The following MAGI3 variants were observed in gnomAD, a reference collection of about 807,000 sequenced individuals.
MAGI3 encodes membrane associated guanylate kinase, WW and PDZ domain containing 3.
In MAGI3, 43 loss-of-function variants were observed where a neutral mutation model predicts 121.8. The ratio of observed to expected loss-of-function variants is 0.35; its 90% CI spans 0.28 to 0.46. MAGI3 has a LOEUF of 0.46. Ranked by LOEUF, MAGI3 falls within the 20% of genes least tolerant of loss-of-function variation. The pLI, the probability that MAGI3 is intolerant of heterozygous loss-of-function variation, is 1.00. For synonymous variants in MAGI3, 553 were observed against 639.3 expected (o/e 0.86, Z 2.04); for missense variants, 1,547 against 1,797.3 (o/e 0.86, Z 2.52).
chr1:113,546,951 C>T (rs999638193), intron 1 of MAGI3, among the ~76,000 whole-genome samples: 2 of 151,652 alleles, frequency 1.3e-5, no homozygotes, highest in Admixed American at 6.6e-5. Flanking sequence ...GGCATGGTGG[C>T]GGGCGCCTGT....
In MAGI3 at chr1:113,534,436, A is replaced by C. The variant is rs188668809; in HGVS notation, c.317-15079A>C. Reference sequence around the variant, plus strand: ...CCCTTGCGGCCTTGCCTTTCCTTCCATGCCATTCAGCATGCCCTTTCTCCT... The same window carrying C: ...CCCTTGCGGCCTTGCCTTTCCTTCCCTGCCATTCAGCATGCCCTTTCTCCT... On this transcript the variant is annotated intron_variant, in intron 1 of 20. Transcript: ENST00000307546. Among the ~76,000 whole-genome samples, 339 of 152,018 alleles carry C rather than the reference A, an allele frequency of 2.2e-3. 1 individual carries two copies. Among genetic ancestry groups the C allele is most frequent in the African/African-American group, 7.8e-3 (325 of 41,462 alleles).
At chr1:113,493,682 A>G (rs997326992) in intron 1 of MAGI3, among the ~76,000 whole-genome samples, 16 of 152,132 alleles carry the variant, frequency 1.1e-4, no homozygotes, top group East Asian at 3.8e-4. Flanking sequence ...TTACAAGAAA[A>G]AGCAACCCCA....
At chr1:113,626,020 C>CAGTG (rs1347567357) in intron 9 of MAGI3, among the ~76,000 whole-genome samples, 1 of 152,064 alleles carries the variant, frequency 6.6e-6, no homozygotes, top group African/African-American at 2.4e-5. Context: ...GGCTGGAGGG[C>CAGTG]AGTGGCATGA....
chr1:113,404,581 C>T (rs1044941242), intron 1 of MAGI3: 2 of 152,164 alleles, frequency 1.3e-5, no homozygotes, highest in African/African-American at 4.8e-5. Flanking sequence ...ATCTTCCCAG[C>T]TCCCTTTTCA....
intron 6 of MAGI3, among the ~76,000 whole-genome samples, chr1:113,603,356 C>CAAA (rs1337236592): frequency 1.1e-5 from 1 of 87,620 alleles, no homozygotes; most frequent in Non-Finnish European, 3.0e-5. Context: ...AAATTGCCAA[C>CAAA]AACAACAACA....
chr1:113,424,421 T>C (rs1429341553), intron 1 of MAGI3, among the ~76,000 whole-genome samples: 1 of 152,052 alleles, frequency 6.6e-6, no homozygotes, highest in Non-Finnish European at 1.5e-5. Flanking sequence ...CCACCCCTCC[T>C]TCCTACCCCA....
rs1251952989 is a variant in MAGI3, at chr1:113,685,427, T to C, written c.*1413T>C. ...TCATCTTGTTGTGAAGCACATTAGG[T>C]CCAGGTCCTTCCCTCTGGGAGTCTG... On this transcript the variant is annotated 3_prime_UTR_variant, in exon 21 of 21. Coordinates refer to ENST00000307546, the MANE Select transcript of MAGI3 (RefSeq NM_001142782.2). 6.6e-6 allele frequency: 1 copy of C among 152,380 alleles called. No individual in the cohort carries two copies. The highest frequency in any genetic ancestry group is 1.5e-5 in the Non-Finnish European group (1 of 68,054). 9.4% of individuals were successfully genotyped at this position (152,380 alleles called of 1,614,324 possible).
At chr1:113,481,537 A>G (rs905760500) in intron 1 of MAGI3, among the ~76,000 whole-genome samples, 1 of 152,088 alleles carries the variant, frequency 6.6e-6, no homozygotes, top group South Asian at 2.1e-4. Context: ...TTTTTTGAAA[A>G]AGAGAAGCAA....
intron 16 of MAGI3, among the ~76,000 whole-genome samples, chr1:113,665,574 G>A (rs571197516): frequency 1.2e-4 from 18 of 152,134 alleles, no homozygotes; most frequent in South Asian, 4.2e-4. Context: ...GTGTATACGC[G>A]TATATAAATA....
At chr1:113,577,594 T>C (rs1226611720) in intron 2 of MAGI3, among the ~76,000 whole-genome samples, 1 of 152,134 alleles carries the variant, frequency 6.6e-6, no homozygotes, top group African/African-American at 2.4e-5. Context: ...TTTATGTGTA[T>C]TGGGTTGTAT....
intron 8 of MAGI3, 74 bp from the exon 9 acceptor site, chr1:113,622,732 T>C: frequency 2.5e-6 from 3 of 1,214,134 alleles, no homozygotes; most frequent in Non-Finnish European, 3.4e-6. Context: ...AAAAGTCATA[T>C]AAAAGATTGA....
intron 8 of MAGI3, among the ~76,000 whole-genome samples, chr1:113,621,179 T>A (rs1305820386): frequency 6.6e-6 from 1 of 152,166 alleles, no homozygotes; most frequent in Admixed American, 6.5e-5. Context: ...AGGAACAGAA[T>A]GTTTAAAATC....
At chr1:113,448,099 C>G (rs1654275939) in intron 1 of MAGI3, among the ~76,000 whole-genome samples, 1 of 151,958 alleles carries the variant, frequency 6.6e-6, no homozygotes, top group Non-Finnish European at 1.5e-5. Flanking sequence ...TTTCTTTAAC[C>G]CGTCTTAGAG....
At chr1:113,671,343 G>A (rs1390981059) in intron 16 of MAGI3, among the ~76,000 whole-genome samples, 7 of 152,058 alleles carry the variant, frequency 4.6e-5, no homozygotes, top group African/African-American at 1.4e-4. Flanking sequence ...CCTGAGACCC[G>A]GCTTTGTTAT....
chr1:113,679,305 C>G (rs1648070491), intron 19 of MAGI3, among the ~76,000 whole-genome samples: 2 of 151,986 alleles, frequency 1.3e-5, no homozygotes, highest in Non-Finnish European at 2.9e-5. Flanking sequence ...TCTTTGTGTC[C>G]ATGTGTACTC....
intron 7 of MAGI3, 117 bp downstream of exon 7, chr1:113,614,775 C>A: frequency 2.9e-6 from 2 of 680,182 alleles, no homozygotes; most frequent in Admixed American, 3.4e-5. Context: ...AGTTTTTCAA[C>A]TAGGGGAATG....
intron 1 of MAGI3, among the ~76,000 whole-genome samples, chr1:113,451,348 A>G (rs1215042986): frequency 6.6e-6 from 1 of 152,120 alleles, no homozygotes; most frequent in Admixed American, 6.5e-5. Context: ...TTCTTCAGAT[A>G]CTCTTCATCA....
intron 15 of MAGI3, among the ~76,000 whole-genome samples, chr1:113,655,099 A>G (rs1426778733): frequency 2.0e-5 from 3 of 152,330 alleles, no homozygotes; most frequent in Non-Finnish European, 4.4e-5. Flanking sequence ...AAACACTTGG[A>G]ACTGGAACTG....
intron 1 of MAGI3, among the ~76,000 whole-genome samples, chr1:113,443,845 T>G (rs1654034194): frequency 6.6e-6 from 1 of 152,258 alleles, no homozygotes; most frequent in Non-Finnish European, 1.5e-5. Context: ...AAAATTGAGG[T>G]ATAATTTACA....
Sources: gnomAD v4.1 joint callset for allele counts (sites outside exome capture counted in the v4.1 genomes callset) on GRCh38, gnomAD v4.1.1 for gene constraint, MANE v1.5 for transcripts, NCBI Gene and HGNC (gene_info 2026-07-23, HGNC 2026-07-21) for gene names.